ARID4B: variants seen among roughly 807,000 people sequenced by gnomAD.
ARID4B encodes AT-rich interaction domain 4B.
In ARID4B, 26 loss-of-function variants were observed where a neutral mutation model predicts 147.5. The ratio of observed to expected loss-of-function variants is 0.18; its 90% CI spans 0.13 to 0.24. The LOEUF is 0.24. ARID4B is among the 10% of genes least tolerant of loss of function. The pLI is 1.00. For missense variants in ARID4B, 1,179 were observed against 1,511.5 expected, an observed-to-expected ratio of 0.78 and a Z score of 3.65; for synonymous variants, 512 against 507.9, an observed-to-expected ratio of 1.01 and a Z score of -0.11.
chr1:235,254,085 T>G (rs1669804468), intron 5 of ARID4B, among the ~76,000 whole-genome samples: 1 of 152,220 alleles, frequency 6.6e-6, no homozygotes. Flanking sequence ...TTTAGTAGAC[T>G]ATTACAACCA....
intron 9 of ARID4B, among the ~76,000 whole-genome samples, chr1:235,233,615 T>C (rs967892473): frequency 1.3e-5 from 2 of 152,196 alleles, no homozygotes; most frequent in Non-Finnish European, 2.9e-5. Context: ...TAACAAATCA[T>C]TTTCTTAACA....
At chr1:235,214,094 A>G in intron 16 of ARID4B, 68 bp from the exon 17 acceptor site, 3 of 1,507,272 alleles carry the variant, frequency 2.0e-6, no homozygotes, top group Non-Finnish European at 2.6e-6. Context: ...TCCAAACCAC[A>G]TATATTGATA....
At chr1:235,230,466 C>CGTT (rs1572033336) in intron 10 of ARID4B, among the ~76,000 whole-genome samples, 1 of 151,220 alleles carries the variant, frequency 6.6e-6, no homozygotes, top group East Asian at 1.9e-4. Context: ...CACAAAGTTA[C>CGTT]TTTGATTCCT....
At chr1:235,185,635 A>C (rs911156505) in intron 19 of ARID4B, among the ~76,000 whole-genome samples, 1 of 152,200 alleles carries the variant, frequency 6.6e-6, no homozygotes, top group African/African-American at 2.4e-5. Flanking sequence ...AAAAAGGTAC[A>C]TGGGATATAA....
At chr1:235,185,975 C>CTTT (rs35784051) in intron 19 of ARID4B, among the ~76,000 whole-genome samples, 1 of 143,446 alleles carries the variant, frequency 7.0e-6, no homozygotes, top group Non-Finnish European at 1.5e-5. Flanking sequence ...TAGTTATTTG[C>CTTT]TTTTTTTTTT....
At chr1:235,301,678 T>C (rs1033982962) in intron 2 of ARID4B, among the ~76,000 whole-genome samples, 7 of 150,780 alleles carry the variant, frequency 4.6e-5, no homozygotes, top group Non-Finnish European at 8.9e-5. Context: ...GCTACCGGAG[T>C]AGCTGGGACC....
At position 235,239,192 on chromosome 1, in the gene ARID4B, G is replaced by A. The variant is rs972850715; in HGVS notation, c.585+1121C>T. Among the ~76,000 whole-genome samples the A allele has an allele frequency of 7.9e-5, 12 of 151,940 alleles. No homozygotes were observed. The South Asian group carries it at 8.3e-4, about 11-fold the overall frequency. On this transcript the variant is annotated intron_variant, in intron 8 of 23. Transcript: ENST00000264183. ...TTGCCCTGTTGGCCAGGCTGGTCTC[G>A]AACTCCTGACCTCAGGGGATTTGCC...
chr1:235,318,330 C>T (rs1674584402), intron 2 of ARID4B, among the ~76,000 whole-genome samples: 2 of 151,924 alleles, frequency 1.3e-5, no homozygotes, highest in African/African-American at 4.8e-5. Flanking sequence ...CGCCCACCAC[C>T]ACACCCGGCT....
intron 2 of ARID4B, among the ~76,000 whole-genome samples, chr1:235,316,501 T>A (rs1674443187): frequency 6.6e-6 from 1 of 151,048 alleles, no homozygotes; most frequent in South Asian, 2.1e-4. Flanking sequence ...ACAGCAAGAC[T>A]TCGTCTCAAA....
Position 235,246,486 on chromosome 1 carries a change from T to C in ARID4B, c.380A>G (p.Asn127Ser). ...SETLDQLPLT[N>S]PEHFGTPVIG... Reference sequence around the variant, plus strand: ...GACTGGAGTGCCAAAATGCTCAGGGTTGGTGAGTGGGAGCTGGTCTAATGT... The same window carrying C: ...GACTGGAGTGCCAAAATGCTCAGGGCTGGTGAGTGGGAGCTGGTCTAATGT... Residue 127 changes from asparagine to serine, a missense_variant, in exon 7 of 24, where the codon AAC (asparagine) becomes AGC (serine). This residue lies in a region of ARID4B where 19 missense variants were observed against 46.7 expected (regional missense o/e 0.41). Coordinates refer to ENST00000264183, the MANE Select transcript of ARID4B (RefSeq NM_016374.6). The C allele has an allele frequency of 6.2e-7, 1 of 1,613,850 alleles. No homozygotes were observed. The highest frequency in any genetic ancestry group is 8.5e-7 in the Non-Finnish European group (1 of 1,179,756).
chr1:235,173,838 T>TAC (rs1256629914), intron 22 of ARID4B, among the ~76,000 whole-genome samples: 1 of 131,608 alleles, frequency 7.6e-6, no homozygotes, highest in Non-Finnish European at 1.6e-5. Context: ...TATATATATA[T>TAC]ACCTTTTTTT....
At chr1:235,314,654 AG>A (rs1674305938) in intron 2 of ARID4B, among the ~76,000 whole-genome samples, 1 of 152,216 alleles carries the variant, frequency 6.6e-6, no homozygotes, top group South Asian at 2.1e-4. Flanking sequence ...TAGCAGGAAA[AG>A]AAAGGTTAGA....
chr1:235,280,590 G>C lies in ARID4B; in HGVS notation c.7-19838C>G, dbSNP rs1206667372. Among the ~76,000 whole-genome samples the C allele has an allele frequency of 2.0e-5, 3 of 152,254 alleles. No homozygotes were observed. The East Asian group carries it at 5.8e-4, about 29-fold the overall frequency. ...AGAACCCAAGATGGCAGCTTCAGGT[G>C]GGCAGGTGGCCAGGATCGCCGAAAG... On this transcript the variant is annotated intron_variant, in intron 2 of 23. Transcript: ENST00000264183.
intron 2 of ARID4B, among the ~76,000 whole-genome samples, chr1:235,318,238 G>C (rs974759931): frequency 7.3e-6 from 1 of 137,858 alleles, no homozygotes; most frequent in Non-Finnish European, 1.5e-5. Flanking sequence ...GTGCAGTGGC[G>C]CCATCGCAGC....
At chr1:235,191,859 C>T (rs963861060) in intron 19 of ARID4B, among the ~76,000 whole-genome samples, 2 of 152,140 alleles carry the variant, frequency 1.3e-5, no homozygotes, top group Admixed American at 1.3e-4. Context: ...GATTGGATTG[C>T]TTGAGTCCAG....
intron 4 of ARID4B, 143 bp downstream of exon 4, chr1:235,257,017 G>C (rs1670027607): frequency 1.5e-6 from 1 of 647,070 alleles, no homozygotes; most frequent in African/African-American, 1.8e-5. Flanking sequence ...CTGAGATTAA[G>C]TCTATTTTTT....
intron 2 of ARID4B, among the ~76,000 whole-genome samples, chr1:235,318,349 T>A (rs1160733163): frequency 2.0e-5 from 3 of 151,820 alleles, no homozygotes; most frequent in Admixed American, 1.3e-4. Flanking sequence ...CTAATTTTTT[T>A]ATTTAGTACA....
intron 2 of ARID4B, among the ~76,000 whole-genome samples, chr1:235,323,068 G>T (rs1674959883): frequency 6.7e-6 from 1 of 149,228 alleles, no homozygotes; most frequent in African/African-American, 2.5e-5. Context: ...CCTGAAATGG[G>T]GTCTCCCTGT....
At chr1:235,194,983 T>G (rs960185272) in intron 18 of ARID4B, among the ~76,000 whole-genome samples, 2 of 152,280 alleles carry the variant, frequency 1.3e-5, no homozygotes, top group African/African-American at 4.8e-5. Flanking sequence ...ATGAGAAATT[T>G]TCTCAAATTA....
Sources: allele counts gnomAD v4.1 joint callset (sites outside exome capture counted in the v4.1 genomes callset), GRCh38; gene constraint gnomAD v4.1.1; regional missense constraint gnomAD v4.1.1; transcripts MANE v1.5; gene names NCBI Gene and HGNC (gene_info 2026-07-23, HGNC 2026-07-21).